The following KCNB2 variants were observed in gnomAD, a reference collection of about 807,000 sequenced individuals.
KCNB2 encodes the protein potassium voltage-gated channel subfamily B member 2, also known as delayed rectifier potassium channel protein.
In KCNB2, 15 loss-of-function variants were observed where a neutral mutation model predicts 61.5. The observed-to-expected ratio is 0.24, with a 90% CI of 0.16 to 0.38. The LOEUF is 0.38. Ranked by LOEUF, KCNB2 falls within the 10% of genes least tolerant of loss-of-function variation. The pLI, the probability that KCNB2 is intolerant of heterozygous loss-of-function variation, is 1.00. For missense variants in KCNB2, 828 were observed against 1,125.2 expected (o/e 0.74, Z 3.78); for synonymous variants, 457 against 446.0 (o/e 1.02, Z -0.31).
chr8:72,722,081 A>T (rs1807558582), intron 2 of KCNB2, among the ~76,000 whole-genome samples: 1 of 152,162 alleles, frequency 6.6e-6, no homozygotes, highest in African/African-American at 2.4e-5. Context: ...TGCCACATCT[A>T]TGAAAGCTAT....
intron 2 of KCNB2, among the ~76,000 whole-genome samples, chr8:72,816,239 T>A (rs1308097947): frequency 6.6e-6 from 1 of 152,122 alleles, no homozygotes; most frequent in African/African-American, 2.4e-5. Flanking sequence ...GAGACGTTAG[T>A]GAAGATAAGC....
chr8:72,721,144 T>C (rs1426297734), intron 2 of KCNB2, among the ~76,000 whole-genome samples: 1 of 152,238 alleles, frequency 6.6e-6, no homozygotes, highest in Non-Finnish European at 1.5e-5. Context: ...AACTTTAAAA[T>C]TGAAACTGAA....
chr8:72,742,893 A>G (rs1226097813), intron 2 of KCNB2, among the ~76,000 whole-genome samples: 6 of 152,112 alleles, frequency 3.9e-5, no homozygotes, highest in Non-Finnish European at 8.8e-5. Context: ...TGATAGCTAC[A>G]CTTTAACAGC....
Position 72,936,252 on chromosome 8 carries a change from G to A in KCNB2, c.897G>A (p.Val299=). Residue 299 remains valine, a synonymous_variant, in exon 3 of 3, where the codon GTG becomes GTA. Coordinates refer to ENST00000523207, the MANE Select transcript of KCNB2 (RefSeq NM_004770.3). This position sits in a 1 kb window ranked among gnomAD's most constrained non-coding sequence, Gnocchi z 5.6. ...SVLQFQNVRR[V]VQIFRIMRIL... ...TGCAGTTCCAAAACGTGAGGCGCGTGGTCCAGATCTTCCGAATCATGCGCA... is the reference window on the plus strand; with the variant it reads ...TGCAGTTCCAAAACGTGAGGCGCGTAGTCCAGATCTTCCGAATCATGCGCA... The A allele has an allele frequency of 6.2e-7, 1 of 1,614,222 alleles. No homozygotes were observed. Among genetic ancestry groups the A allele is most frequent in the Non-Finnish European group, 8.5e-7 (1 of 1,180,030 alleles).
intron 2 of KCNB2, among the ~76,000 whole-genome samples, chr8:72,773,326 G>T (rs1808592061): frequency 6.6e-6 from 1 of 152,130 alleles, no homozygotes; most frequent in South Asian, 2.1e-4. Context: ...GTGAAAACAG[G>T]TTGAGTTTTT....
intron 2 of KCNB2, among the ~76,000 whole-genome samples, chr8:72,920,990 A>G (rs1563424836): frequency 6.6e-6 from 1 of 152,140 alleles, no homozygotes; most frequent in Admixed American, 6.6e-5. Context: ...AGCTAAAGTT[A>G]TGTCAAAAGA....
chr8:72,573,012 C>T (rs1482679663), intron 2 of KCNB2, among the ~76,000 whole-genome samples: 1 of 152,120 alleles, frequency 6.6e-6, no homozygotes, highest in African/African-American at 2.4e-5. Context: ...GCAGTCTGTG[C>T]TTGGAAATTC....
At chr8:72,700,548 CAAA>C (rs759012006) in intron 2 of KCNB2, among the ~76,000 whole-genome samples, 7 of 151,952 alleles carry the variant, frequency 4.6e-5, no homozygotes, top group African/African-American at 7.3e-5. Context: ...AAAAAATAAA[CAAA>C]TGACAAATGT....
rs755661697 is a variant in KCNB2 at position 72,937,305 on chromosome 8, G to A, written c.1950G>A (p.Pro650=). The A allele has an allele frequency of 1.5e-5, 24 of 1,613,944 alleles. No individual in the cohort carries two copies. Among genetic ancestry groups the A allele is most frequent in the South Asian group, 1.4e-4 (13 of 91,076 alleles). The change falls in exon 3 of 3, where the codon CCG becomes CCA. Residue 650 remains proline, a synonymous_variant. Transcript: ENST00000523207. ...TEEHQRARGP[P]FLTLSREKGP... ...AGCACCAAAGAGCTAGGGGCCCCCC[G>A]TTTCTAACTCTATCCAGAGAGAAAG...
chr8:72,625,777 A>G (rs1319035882), intron 2 of KCNB2, among the ~76,000 whole-genome samples: 2 of 152,168 alleles, frequency 1.3e-5, no homozygotes, highest in Non-Finnish European at 2.9e-5. Flanking sequence ...ATAATGCTGG[A>G]CATATCTCAG....
intron 2 of KCNB2, among the ~76,000 whole-genome samples, chr8:72,630,843 C>G (rs1214120626): frequency 6.6e-6 from 1 of 152,082 alleles, no homozygotes; most frequent in Admixed American, 6.5e-5. Context: ...TCAGGACACC[C>G]CTTGATAAAC....
intron 2 of KCNB2, among the ~76,000 whole-genome samples, chr8:72,853,135 C>T (rs1810148998): frequency 6.6e-6 from 1 of 152,224 alleles, no homozygotes; most frequent in African/African-American, 2.4e-5. Flanking sequence ...ATATTGTTAG[C>T]TCCTCCTCCC....
chr8:72,641,943 C>A (rs1806062261), intron 2 of KCNB2, among the ~76,000 whole-genome samples: 1 of 152,132 alleles, frequency 6.6e-6, no homozygotes, highest in African/African-American at 2.4e-5. Context: ...CTTCATAAGC[C>A]AGAAACACTT....
At chr8:72,797,503 C>T (rs1264346276) in intron 2 of KCNB2, among the ~76,000 whole-genome samples, 2 of 152,204 alleles carry the variant, frequency 1.3e-5, no homozygotes, top group Non-Finnish European at 2.9e-5. Flanking sequence ...TAGCTTTTAC[C>T]TCCTGTCAGT....
intron 2 of KCNB2, among the ~76,000 whole-genome samples, chr8:72,790,900 T>C (rs1808931109): frequency 6.6e-6 from 1 of 152,240 alleles, no homozygotes; most frequent in Non-Finnish European, 1.5e-5. Flanking sequence ...TCTTTCTCTG[T>C]TGGTTTTCAT....
chr8:72,728,260 G>A (rs1411871297), intron 2 of KCNB2, among the ~76,000 whole-genome samples: 2 of 152,006 alleles, frequency 1.3e-5, no homozygotes, highest in African/African-American at 4.8e-5. Flanking sequence ...CTAAATATTC[G>A]GGTCAAATAT....
At chr8:72,735,439 T>C (rs1283093638) in intron 2 of KCNB2, among the ~76,000 whole-genome samples, 1 of 152,186 alleles carries the variant, frequency 6.6e-6, no homozygotes, top group East Asian at 1.9e-4. Flanking sequence ...TCACCCTTGA[T>C]ACTCAGCTCG....
At chr8:72,671,436 G>A (rs1194138108) in intron 2 of KCNB2, among the ~76,000 whole-genome samples, 4 of 152,132 alleles carry the variant, frequency 2.6e-5, no homozygotes, top group South Asian at 2.1e-4. Context: ...TCTGTATTAG[G>A]CACTGTGTTG....
intron 2 of KCNB2, among the ~76,000 whole-genome samples, chr8:72,630,918 G>A (rs2128984943): frequency 6.6e-6 from 1 of 152,238 alleles, no homozygotes; most frequent in South Asian, 2.1e-4. Context: ...AAGTGCAATA[G>A]GCGCCCCTTA....
Sources: allele counts gnomAD v4.1 joint callset (sites outside exome capture counted in the v4.1 genomes callset), GRCh38; gene constraint gnomAD v4.1.1; non-coding constraint Gnocchi (gnomAD v3.1); transcripts MANE v1.5; gene names NCBI Gene and HGNC (gene_info 2026-07-23, HGNC 2026-07-21).